The following GBF1 variants were observed in gnomAD, a reference collection of about 807,000 sequenced individuals.
The protein encoded by GBF1 is golgi brefeldin A resistant guanine nucleotide exchange factor 1, also known as Golgi-specific brefeldin A-resistance guanine nucleotide exchange factor 1.
GBF1 carries 114 observed loss-of-function variants against 210.5 expected under a neutral mutation model. The observed-to-expected ratio is 0.54, with a 90% CI of 0.47 to 0.63. The LOEUF (loss-of-function observed/expected upper bound fraction) is 0.63. GBF1 is among the 30% of genes least tolerant of loss of function. The pLI is 0.00. For missense variants in GBF1, 1,851 were observed against 2,357.7 expected (o/e 0.79, Z 4.45); for synonymous variants, 850 against 889.2 (o/e 0.96, Z 0.78).
the GBF1 span, chr10:102,232,202 CCG>C: frequency 1.4e-6 from 1 of 690,510 alleles, no homozygotes; most frequent in Non-Finnish European, 2.6e-6. Context: ...TCAACCCCAG[CCG>C]TAAAGCTGGG....
At chr10:102,323,183 A>G (rs2056582584) in intron 3 of GBF1, among the ~76,000 whole-genome samples, 1 of 145,726 alleles carries the variant, frequency 6.9e-6, no homozygotes, top group African/African-American at 2.5e-5. Context: ...CTCATGACCT[A>G]GCTCTCCTGC....
At chr10:102,314,207 G>T (rs2078734588) in intron 3 of GBF1, among the ~76,000 whole-genome samples, 1 of 143,906 alleles carries the variant, frequency 6.9e-6, no homozygotes, top group Admixed American at 7.3e-5. Context: ...GTGCAGTGGT[G>T]TGAAAATGGC....
In GBF1 at chr10:102,362,380, G is replaced by T. The variant is rs2059667906; in HGVS notation, c.1687-95G>T. On this transcript the variant is annotated intron_variant, in intron 14 of 39. Coordinates refer to ENST00000369983, the MANE Select transcript of GBF1 (RefSeq NM_001377137.1). ...CAGAAAGACGTTTTCTAAGGGCAATGTACAAGTTAGAAGAAGTTTTGGAAA... is the reference window on the plus strand; with the variant it reads ...CAGAAAGACGTTTTCTAAGGGCAATTTACAAGTTAGAAGAAGTTTTGGAAA... The T allele has an allele frequency of 3.3e-6, 3 of 911,476 alleles. No individual in the cohort carries two copies. The Admixed American group carries it at 6.3e-5, about 19-fold the overall frequency. The allele number at this position is 911,476 out of a possible 1,614,324, so 56.5% of individuals were successfully genotyped here.
chr10:102,336,168 G>A (rs1186644732), intron 3 of GBF1, among the ~76,000 whole-genome samples: 2 of 151,882 alleles, frequency 1.3e-5, no homozygotes, highest in Non-Finnish European at 2.9e-5. Flanking sequence ...GGGTGTGGTG[G>A]CATGTGCCTG....
rs929889223 is a variant in GBF1 at position 102,245,740 on chromosome 10, C to G, written c.-52C>G. The G allele has an allele frequency of 6.6e-6, 1 of 152,196 alleles. No individual in the cohort carries two copies. Among genetic ancestry groups the G allele is most frequent in the Non-Finnish European group, 1.5e-5 (1 of 68,042 alleles). The allele number at this position is 152,196 out of a possible 1,614,324, so 9.4% of individuals were successfully genotyped here. A position where few individuals can be genotyped will look rare whatever the true frequency, so the allele number is the denominator to read the frequency against. ...CGGGCTGGACATGAGCAGCGGCTGC[C>G]GGTCCTGGGACTAGGCCCCGCCATT... On this transcript the variant is annotated 5_prime_UTR_variant, in exon 1 of 40. Coordinates refer to ENST00000369983, the MANE Select transcript of GBF1 (RefSeq NM_001377137.1).
chr10:102,369,266 C>G lies in GBF1; in HGVS notation c.3029C>G (p.Ala1010Gly). Residue 1010 changes from alanine to glycine, a missense_variant, in exon 24 of 40, where the codon GCC becomes GGC. Ala to Gly is a moderately conservative substitution (Grantham distance 60, BLOSUM62 0). Around this residue, in one of 3 missense-constraint regions of GBF1, gnomAD observed 967 missense variants for 1,247.7 expected, o/e 0.78. Transcript: ENST00000369983. ...FGSNPKAHIA[A>G]KTVFHLAHRH... is the part of the protein sequence containing the mutation. ...AGCAACCCTAAAGCCCATATTGCAGCCAAGACAGTATTCCATTTGGCCCAT... is the reference window on the plus strand; with the variant it reads ...AGCAACCCTAAAGCCCATATTGCAGGCAAGACAGTATTCCATTTGGCCCAT... The G allele has an allele frequency of 6.2e-7, 1 of 1,613,692 alleles. No individual in the cohort carries two copies. Among genetic ancestry groups the G allele is most frequent in the Non-Finnish European group, 8.5e-7 (1 of 1,179,590 alleles).
chr10:102,336,533 CTAT>C (rs1370249185), intron 3 of GBF1, among the ~76,000 whole-genome samples: 4 of 151,978 alleles, frequency 2.6e-5, no homozygotes, highest in Admixed American at 2.0e-4. Flanking sequence ...ATGTTAGTTG[CTAT>C]TATTATTTAT....
chr10:102,362,050 CTTTTTTTTT>C lies in GBF1; in HGVS notation c.1686+154_1686+162del, dbSNP rs1164670758. On this transcript the variant is annotated intron_variant, in intron 14 of 39. Transcript: ENST00000369983. The stretch of plus-strand genomic sequence containing the variant: ...GAAGAAAGGCATTTTCTTTTCTTTT[CTTTTTTTTT>C]TTTTTTTTTTTTTTTGAGATGGAGT... The C allele has an allele frequency of 2.4e-5, 3 of 123,232 alleles. No individual in the cohort carries two copies. In the East Asian group the frequency reaches 8.2e-4, roughly 34 times the overall value. 7.6% of individuals were successfully genotyped at this position (123,232 alleles called of 1,614,324 possible).
chr10:102,333,114 G>A (rs1161251156), intron 3 of GBF1, among the ~76,000 whole-genome samples: 1 of 152,224 alleles, frequency 6.6e-6, no homozygotes, highest in East Asian at 1.9e-4. Context: ...CCCAATGGAT[G>A]AGGAAACTAT....
intron 33 of GBF1, among the ~76,000 whole-genome samples, chr10:102,377,583 G>A (rs1049533267): frequency 1.3e-5 from 2 of 152,016 alleles, no homozygotes; most frequent in Non-Finnish European, 1.5e-5. Flanking sequence ...TTGATCTCCT[G>A]ACCTCGTGAT....
intron 3 of GBF1, among the ~76,000 whole-genome samples, chr10:102,282,623 C>T (rs2075602899): frequency 6.6e-6 from 1 of 152,162 alleles, no homozygotes; most frequent in Admixed American, 6.5e-5. Flanking sequence ...GAACTGATGG[C>T]AGAAAATCCT....
intron 3 of GBF1, among the ~76,000 whole-genome samples, chr10:102,280,738 T>G (rs1589467609): frequency 6.6e-6 from 1 of 152,226 alleles, no homozygotes. Context: ...GTGTAGTGAT[T>G]TCCAGGCTCT....
At chr10:102,325,369 G>T (rs565229340) in intron 3 of GBF1, among the ~76,000 whole-genome samples, 1 of 152,136 alleles carries the variant, frequency 6.6e-6, no homozygotes, top group East Asian at 2.0e-4. Flanking sequence ...GCCAACAATG[G>T]TGAAACCCCG....
chr10:102,279,959 T>A (rs2075329076), intron 3 of GBF1, among the ~76,000 whole-genome samples: 1 of 148,382 alleles, frequency 6.7e-6, no homozygotes, highest in East Asian at 1.9e-4. Flanking sequence ...CTCTACTAAA[T>A]TTTTTTTTGT....
chr10:102,311,017 G>A (rs964026993), intron 3 of GBF1, among the ~76,000 whole-genome samples: 1 of 152,306 alleles, frequency 6.6e-6, no homozygotes, highest in Non-Finnish European at 1.5e-5. Flanking sequence ...GAGGAAAGAA[G>A]TTTGCTGCCA....
In GBF1 at chr10:102,361,038, G is replaced by T. The variant is rs143113721; in HGVS notation, c.1409G>T (p.Arg470Leu). The part of the protein sequence containing the change: ...RHLFQLLSIE[R>L]LNLYAASLRV... ...CATCTCCAGCTACTCAGCATAGAGCGACTAAACCTTTATGCTGCTTCCCTG... is the reference window on the plus strand; with the variant it reads ...CATCTCCAGCTACTCAGCATAGAGCTACTAAACCTTTATGCTGCTTCCCTG... Residue 470 changes from arginine to leucine, a missense_variant, in exon 13 of 40, where the codon CGA becomes CTA. Arg to Leu is a moderately radical substitution (Grantham distance 102, BLOSUM62 -2). This residue lies in a region of GBF1 where 804 missense variants were observed against 958.6 expected (regional missense o/e 0.84). Transcript: ENST00000369983. 6.3e-7 allele frequency: 1 copy of T among 1,578,228 alleles called. No individual in the cohort carries two copies. Among genetic ancestry groups the T allele is most frequent in the South Asian group, 1.1e-5 (1 of 90,380 alleles).
intron 1 of GBF1, among the ~76,000 whole-genome samples, chr10:102,249,928 G>A (rs2071298451): frequency 6.6e-6 from 1 of 152,054 alleles, no homozygotes; most frequent in Non-Finnish European, 1.5e-5. Flanking sequence ...TTGACTTCGT[G>A]ATCCGCCCAC....
intron 3 of GBF1, among the ~76,000 whole-genome samples, chr10:102,276,908 T>C (rs1019525868): frequency 1.3e-5 from 2 of 152,176 alleles, no homozygotes; most frequent in Non-Finnish European, 2.9e-5. Flanking sequence ...TATTTTGAAA[T>C]AATTTCAAAT....
chr10:102,368,118 T>C (rs1222967720), intron 21 of GBF1, 100 bp from the exon 22 acceptor site: 3 of 769,688 alleles, frequency 3.9e-6, no homozygotes, highest in Non-Finnish European at 6.9e-6. Context: ...TGATGACCTC[T>C]CATCAGTGGA....
Sources: allele counts gnomAD v4.1 joint callset (sites outside exome capture counted in the v4.1 genomes callset), GRCh38; gene constraint gnomAD v4.1.1; regional missense constraint gnomAD v4.1.1; transcripts MANE v1.5; gene names NCBI Gene and HGNC (gene_info 2026-07-23, HGNC 2026-07-21).